Variants in SMIM22 observed in about 807,000 individuals in gnomAD.
SMIM22 encodes small integral membrane protein 22, also known as cancer associated small integral membrane open reading frame 1.
SMIM22 carries 16 observed loss-of-function variants against 8.4 expected under a neutral mutation model. The observed-to-expected ratio is 1.90, with a 90% CI of 1.29 to 2.89. SMIM22 has a LOEUF of 2.89. Among genes scored for constraint, SMIM22 ranks in the 30% most tolerant of loss-of-function variants. The pLI is 0.00. For missense variants in SMIM22, 159 were observed against 107.5 expected (o/e 1.48, Z -2.12); for synonymous variants, 67 against 47.6 (o/e 1.41, Z -1.68).
chr16:4,795,449 G>A lies in SMIM22; in HGVS notation c.-21G>A. 2.2e-6 allele frequency: 1 copy of A among 461,560 alleles called. No individual in the cohort carries two copies. Among genetic ancestry groups the A allele is most frequent in the Non-Finnish European group, 3.9e-6 (1 of 255,502 alleles). 28.6% of individuals were successfully genotyped at this position (461,560 alleles called of 1,614,324 possible). ...TTGGGGGAATTGGAGGCTTCTAGGAGGTAGGTGGGGGCCTGGGGGCTGGGC... is the reference window on the plus strand; with the variant it reads ...TTGGGGGAATTGGAGGCTTCTAGGAAGTAGGTGGGGGCCTGGGGGCTGGGC... On this transcript the variant is annotated splice_region_variant and 5_prime_UTR_variant, in exon 1 of 4. Coordinates refer to ENST00000586005, the MANE Select transcript of SMIM22 (RefSeq NM_001253794.2).
In SMIM22 at chr16:4,796,041, C is replaced by T; in HGVS notation, c.218C>T (p.Pro73Leu). Residue 73 changes from proline to leucine, a missense_variant, in exon 3 of 4, where the codon CCC becomes CTC. Physicochemically the swap from Pro to Leu is moderately conservative, Grantham distance 98. Transcript: ENST00000586005. ...AGGGAAAGCCCCAGGAAGGTGAGCC[C>T]CTGGAAGGTGAGCCCTGCCGGCCTC... Reference protein sequence around the residue: ...PRRESPRKVSPWKERPKGVDN... With the variant: ...PRRESPRKVSLWKERPKGVDN... 6.5e-7 allele frequency: 1 copy of T among 1,530,146 alleles called. No homozygotes were observed. Among genetic ancestry groups the T allele is most frequent in the Non-Finnish European group, 8.7e-7 (1 of 1,143,018 alleles). The allele number at this position is 1,530,146 out of a possible 1,614,324, so 94.8% of individuals were successfully genotyped here.
At chr16:4,795,062 G>C (rs550926715), upstream of SMIM22, 1 of 152,616 alleles carries the variant, frequency 6.6e-6, no homozygotes, top group East Asian at 1.9e-4. Context: ...GCTGCTCAAG[G>C]GTCGTGGGAT....
At chr16:4,789,796 G>A (rs1269926727) in intron 2 of SMIM22, 4 of 152,092 alleles carry the variant, frequency 2.6e-5, no homozygotes, top group Admixed American at 2.6e-4. Flanking sequence ...ATCTCACACA[G>A]TTAATTCTTT....
At chr16:4,788,714 A>G (rs894897146) in intron 1 of SMIM22, 2 of 152,250 alleles carry the variant, frequency 1.3e-5, no homozygotes, top group African/African-American at 4.8e-5. Context: ...GACTCTGCAC[A>G]TGGCATCGTT....
upstream of SMIM22, among the ~76,000 whole-genome samples, chr16:4,791,884 G>A (rs563770300): frequency 1.5e-4 from 23 of 151,794 alleles, no homozygotes; most frequent in Non-Finnish European, 2.2e-4. Context: ...GACGGGTTTC[G>A]CCATGTTGGC....
intron 3 of SMIM22, 62 bp from the exon 4 acceptor site, chr16:4,796,128 G>A: frequency 6.5e-7 from 1 of 1,535,852 alleles, no homozygotes; most frequent in Non-Finnish European, 8.7e-7. Context: ...GGCGGGAAGG[G>A]TGCTCATCCC....
At chr16:4,794,130 T>C (rs995369687), upstream of SMIM22, among the ~76,000 whole-genome samples, 2 of 150,482 alleles carry the variant, frequency 1.3e-5, no homozygotes, top group Admixed American at 6.6e-5. Flanking sequence ...TTTTTTGAGA[T>C]GGAGTCTTGC....
chr16:4,795,461 CCTGGGGG>C lies in SMIM22; in HGVS notation c.-21+18_-21+24del, dbSNP rs149174333. On this transcript the variant is annotated intron_variant, in intron 1 of 3. Transcript: ENST00000586005. Reference sequence around the variant, plus strand: ...GAGGCTTCTAGGAGGTAGGTGGGGGCCTGGGGGCTGGGCTGCCAGGGGGAGAGAGAGG... The same window carrying C: ...GAGGCTTCTAGGAGGTAGGTGGGGGCCTGGGCTGCCAGGGGGAGAGAGAGG... 44,857 of 484,198 alleles carry C rather than the reference CCTGGGGG, an allele frequency of 0.093. 2,875 individuals carry two copies. Among genetic ancestry groups the C allele is most frequent in the East Asian group, 0.24 (5,959 of 24,832 alleles). 30.0% of individuals were successfully genotyped at this position (484,198 alleles called of 1,614,324 possible).
upstream of SMIM22, among the ~76,000 whole-genome samples, chr16:4,794,029 G>C (rs1172185779): frequency 6.6e-6 from 1 of 152,208 alleles, no homozygotes; most frequent in Non-Finnish European, 1.5e-5. Context: ...TCCGCCTCCT[G>C]GGTTCAAGCG....
chr16:4,789,702 T>C (rs2082520809), intron 2 of SMIM22, among the ~76,000 whole-genome samples: 1 of 151,966 alleles, frequency 6.6e-6, no homozygotes, highest in African/African-American at 2.4e-5. Flanking sequence ...CTAGTGATCC[T>C]CTCACCTCAG....
chr16:4,793,376 G>A (rs534723742), upstream of SMIM22, among the ~76,000 whole-genome samples: 1 of 152,250 alleles, frequency 6.6e-6, no homozygotes, highest in Admixed American at 6.5e-5. Flanking sequence ...GTAGTGTTAC[G>A]GCAGCATTGG....
At chr16:4,793,109 C>CAGA (rs1555490025), upstream of SMIM22, among the ~76,000 whole-genome samples, 5 of 67,518 alleles carry the variant, frequency 7.4e-5, no homozygotes, top group African/African-American at 2.7e-4. Context: ...AACTCTGTCT[C>CAGA]AAAAAAAAAA....
Position 4,795,434 on chromosome 16 carries a change from T to G in SMIM22, c.-36T>G. The G allele has an allele frequency of 5.1e-6, 2 of 392,844 alleles. No individual in the cohort carries two copies. Among genetic ancestry groups the G allele is most frequent in the Non-Finnish European group, 9.3e-6 (2 of 214,002 alleles). The allele number at this position is 392,844 out of a possible 1,614,324, so 24.3% of individuals were successfully genotyped here. On this transcript the variant is annotated 5_prime_UTR_variant, in exon 1 of 4. In the 5' UTR this introduces an upstream ATG that the reference lacks. Transcript: ENST00000586005. ...CCAGGACCTGCCTGGTTGGGGGAAT[T>G]GGAGGCTTCTAGGAGGTAGGTGGGG...
chr16:4,795,466 G>A lies in SMIM22; in HGVS notation c.-21+17G>A. On this transcript the variant is annotated intron_variant, in intron 1 of 3. Coordinates refer to ENST00000586005, the MANE Select transcript of SMIM22 (RefSeq NM_001253794.2). Reference sequence around the variant, plus strand: ...TTCTAGGAGGTAGGTGGGGGCCTGGGGGCTGGGCTGCCAGGGGGAGAGAGA... The same window carrying A: ...TTCTAGGAGGTAGGTGGGGGCCTGGAGGCTGGGCTGCCAGGGGGAGAGAGA... The A allele has an allele frequency of 9.7e-6, 4 of 414,212 alleles. No homozygotes were observed. The South Asian group carries it at 1.2e-4, about 12-fold the overall frequency. 25.7% of individuals were successfully genotyped at this position (414,212 alleles called of 1,614,324 possible).
chr16:4,795,760 A>T lies in SMIM22; in HGVS notation c.26A>T (p.Glu9Val). Residue 9 changes from glutamate to valine, a missense_variant, in exon 2 of 4, where the codon GAG becomes GTG. Transcript: ENST00000586005. ...ATGGCTGTGTCCACAGAGGAGCTGGAGGCCACGGTTCAGGAAGTCCTGGGG... is the reference window on the plus strand; with the variant it reads ...ATGGCTGTGTCCACAGAGGAGCTGGTGGCCACGGTTCAGGAAGTCCTGGGG... MAVSTEEL[E>V]ATVQEVLGRL... 1 of 1,535,940 alleles carries T rather than the reference A, an allele frequency of 6.5e-7. No individual in the cohort carries two copies. The highest frequency in any genetic ancestry group is 8.7e-7 in the Non-Finnish European group (1 of 1,146,796).
intron 2 of SMIM22, among the ~76,000 whole-genome samples, chr16:4,790,327 G>C (rs1248870104): frequency 6.6e-6 from 1 of 152,146 alleles, no homozygotes; most frequent in African/African-American, 2.4e-5. Flanking sequence ...TAAACAGATG[G>C]GCGTGGCTGT....
chr16:4,796,072 C>T (rs767910110), intron 3 of SMIM22, 24 bp downstream of exon 3: 254 of 1,533,414 alleles, frequency 1.7e-4, no homozygotes, highest in Non-Finnish European at 2.2e-4. Context: ...GCCTCTGGGA[C>T]CTGCACGGAA....
chr16:4,792,525 G>A (rs1322111938), upstream of SMIM22, among the ~76,000 whole-genome samples: 1 of 149,606 alleles, frequency 6.7e-6, no homozygotes, highest in African/African-American at 2.4e-5. Context: ...ATGTCTGCTG[G>A]GCGCGGTGGA....
At chr16:4,789,081 C>T (rs1338160239) in intron 2 of SMIM22, among the ~76,000 whole-genome samples, 3 of 152,150 alleles carry the variant, frequency 2.0e-5, no homozygotes, top group East Asian at 1.9e-4. Flanking sequence ...TGCAGTGGCG[C>T]GATCTCGGCT....
Sources: gnomAD v4.1 joint callset for allele counts (sites outside exome capture counted in the v4.1 genomes callset) on GRCh38, gnomAD v4.1.1 for gene constraint, MANE v1.5 for transcripts, NCBI Gene and HGNC (gene_info 2026-07-23, HGNC 2026-07-21) for gene names.